Variants in SPRED1 observed in about 807,000 individuals in gnomAD.
The protein encoded by SPRED1 is sprouty related EVH1 domain containing 1.
Under a neutral mutation model 52.3 loss-of-function variants are expected in SPRED1, and 18 were observed. That is an observed-to-expected ratio of 0.34 (90% CI 0.24 to 0.51). The LOEUF is 0.51. Among genes scored for constraint, SPRED1 ranks in the 20% least tolerant of loss-of-function variants. The probability of loss-of-function intolerance (pLI) is 0.97; values close to 1 mark genes in which losing one functional copy is unlikely to be tolerated. For synonymous variants in SPRED1, 155 were observed against 179.7 expected (o/e 0.86, Z 1.10); for missense variants, 485 against 551.0 (o/e 0.88, Z 1.20).
chr15:38,292,366 T>G (rs1263052796), intron 1 of SPRED1, among the ~76,000 whole-genome samples: 2 of 152,170 alleles, frequency 1.3e-5, no homozygotes, highest in Non-Finnish European at 2.9e-5. Flanking sequence ...CAAAGTCACT[T>G]CCACATTTTT....
intron 1 of SPRED1, among the ~76,000 whole-genome samples, chr15:38,271,741 T>C (rs191700339): frequency 4.8e-4 from 73 of 152,250 alleles, no homozygotes; most frequent in Non-Finnish European, 8.5e-4. Context: ...AAAATAAAAA[T>C]TATTTCATTA....
rs1895993159 is a variant in SPRED1, at chr15:38,339,768, T to C, written c.455T>C (p.Val152Ala). ...GAAGAGGATTCTTCCAGTTCTCTAG[T>C]GAAGGATCACCTTTTTCAGCAAGAG... ...ANEEDSSSSL[V>A]KDHLFQQETV... Residue 152 changes from valine (V) to alanine (A), a missense_variant, in exon 5 of 7, where the codon GTG becomes GCG. Around this residue, in one of 5 missense-constraint regions of SPRED1, gnomAD observed 232 missense variants for 231.8 expected, o/e 1.00. Transcript: ENST00000299084. 11 of 1,613,942 alleles carry C rather than the reference T, an allele frequency of 6.8e-6. No homozygotes were observed. The highest frequency in any genetic ancestry group is 9.3e-6 in the Non-Finnish European group (11 of 1,179,906).
intron 2 of SPRED1, among the ~76,000 whole-genome samples, chr15:38,320,859 G>C (rs1895588314): frequency 6.6e-6 from 1 of 152,116 alleles, no homozygotes; most frequent in Non-Finnish European, 1.5e-5. Context: ...TATATTAAAA[G>C]CATACTGTGA....
intron 1 of SPRED1, among the ~76,000 whole-genome samples, chr15:38,284,086 T>C (rs1252403427): frequency 1.3e-5 from 2 of 152,200 alleles, no homozygotes; most frequent in Admixed American, 6.5e-5. Context: ...GATTATCTTT[T>C]AAGGCATATT....
At chr15:38,345,819 G>T (rs925734180) in intron 5 of SPRED1, among the ~76,000 whole-genome samples, 1 of 152,142 alleles carries the variant, frequency 6.6e-6, no homozygotes, top group East Asian at 1.9e-4. Flanking sequence ...AAACAAGCCT[G>T]TCTCCAAAGG....
intron 4 of SPRED1, 125 bp from the exon 5 acceptor site, chr15:38,339,612 C>T (rs1895989216): frequency 9.7e-6 from 9 of 924,978 alleles, no homozygotes; most frequent in Non-Finnish European, 1.6e-5. Context: ...AATTGCTATT[C>T]ATAGCGATGG....
intron 4 of SPRED1, among the ~76,000 whole-genome samples, chr15:38,333,060 C>G (rs1211125764): frequency 2.0e-5 from 3 of 152,134 alleles, no homozygotes; most frequent in Non-Finnish European, 2.9e-5. Flanking sequence ...CTAATACTAT[C>G]ATATTGGTAA....
At chr15:38,321,970 T>G (rs1046124723) in intron 2 of SPRED1, among the ~76,000 whole-genome samples, 1 of 152,156 alleles carries the variant, frequency 6.6e-6, no homozygotes, top group Non-Finnish European at 1.5e-5. Flanking sequence ...TCCTGATATA[T>G]TCCTCCAGAA....
chr15:38,300,576 T>A (rs1022947053), intron 2 of SPRED1, among the ~76,000 whole-genome samples: 3 of 152,142 alleles, frequency 2.0e-5, no homozygotes, highest in African/African-American at 7.2e-5. Flanking sequence ...TGCTTAACTT[T>A]CACTGCCCCA....
chr15:38,339,625 G>T, intron 4 of SPRED1, 112 bp from the exon 5 acceptor site: 2 of 1,060,414 alleles, frequency 1.9e-6, no homozygotes, highest in Non-Finnish European at 2.9e-6. Context: ...AGCGATGGTA[G>T]CGATATATAC....
At chr15:38,283,263 AACTC>A (rs1894733715) in intron 1 of SPRED1, among the ~76,000 whole-genome samples, 1 of 152,148 alleles carries the variant, frequency 6.6e-6, no homozygotes, top group Non-Finnish European at 1.5e-5. Context: ...ATCTCGTGAG[AACTC>A]ACTATCACAA....
At chr15:38,309,333 G>T (rs1393014313) in intron 2 of SPRED1, among the ~76,000 whole-genome samples, 3 of 152,158 alleles carry the variant, frequency 2.0e-5, no homozygotes, top group Non-Finnish European at 2.9e-5. Flanking sequence ...TAGAGATGGG[G>T]TTTCACCATG....
At chr15:38,286,248 A>AAAG (rs374740327) in intron 1 of SPRED1, among the ~76,000 whole-genome samples, 4 of 150,166 alleles carry the variant, frequency 2.7e-5, no homozygotes, top group Non-Finnish European at 5.9e-5. Context: ...AAAAAAAAAA[A>AAAG]GTTTTGCAGA....
At chr15:38,315,458 T>TA (rs1271839389) in intron 2 of SPRED1, among the ~76,000 whole-genome samples, 1 of 151,984 alleles carries the variant, frequency 6.6e-6, no homozygotes, top group Non-Finnish European at 1.5e-5. Context: ...TGGTCTATTT[T>TA]AAATGCTTCT....
intron 1 of SPRED1, among the ~76,000 whole-genome samples, chr15:38,287,084 A>C (rs1182405623): frequency 1.3e-5 from 2 of 152,156 alleles, no homozygotes; most frequent in Non-Finnish European, 2.9e-5. Context: ...TGTTAAGTTG[A>C]ATTGCATTAC....
chr15:38,254,610 C>G (rs2140944457), intron 1 of SPRED1, among the ~76,000 whole-genome samples: 1 of 152,254 alleles, frequency 6.6e-6, no homozygotes, highest in South Asian at 2.1e-4. Flanking sequence ...TTTTTGAGTT[C>G]AGAAGGTAAG....
intron 4 of SPRED1, among the ~76,000 whole-genome samples, chr15:38,332,626 C>T (rs147383962): frequency 6.6e-6 from 1 of 152,224 alleles, no homozygotes; most frequent in East Asian, 1.9e-4. Context: ...TCTCTCTATA[C>T]ACTTTTTTTC....
At chr15:38,339,021 T>C (rs1199964061) in intron 4 of SPRED1, among the ~76,000 whole-genome samples, 6 of 152,210 alleles carry the variant, frequency 3.9e-5, no homozygotes, top group Non-Finnish European at 5.9e-5. Context: ...TAAATAATTA[T>C]ACAGTGATGG....
At chr15:38,314,630 A>T (rs1413204705) in intron 2 of SPRED1, among the ~76,000 whole-genome samples, 1 of 151,844 alleles carries the variant, frequency 6.6e-6, no homozygotes, top group Non-Finnish European at 1.5e-5. Context: ...GTGTGGGTTT[A>T]TTGGAGTATG....
Sources: gnomAD v4.1 joint callset for allele counts (sites outside exome capture counted in the v4.1 genomes callset) on GRCh38, gnomAD v4.1.1 for gene constraint, gnomAD v4.1.1 regional missense constraint, MANE v1.5 for transcripts, NCBI Gene and HGNC (gene_info 2026-07-23, HGNC 2026-07-21) for gene names.